Variants in SSH1 observed in about 807,000 individuals in gnomAD.
SSH1 encodes the protein protein phosphatase Slingshot homolog 1.
A neutral mutation model predicts 79.7 loss-of-function variants in SSH1; 43 were observed. That is an observed-to-expected ratio of 0.54 (90% CI 0.42 to 0.70). The LOEUF is 0.70. SSH1 is among the 30% of genes least tolerant of loss of function. SSH1 has a pLI of 0.00. For missense variants in SSH1, 1,206 were observed against 1,358.8 expected (o/e 0.89, Z 1.77); for synonymous variants, 599 against 538.3 (o/e 1.11, Z -1.56).
intron 5 of SSH1, among the ~76,000 whole-genome samples, chr12:108,813,676 C>A (rs2037733881): frequency 7.0e-6 from 1 of 141,942 alleles, no homozygotes; most frequent in Non-Finnish European, 1.5e-5. Flanking sequence ...TTTCACCACT[C>A]CAGCCTGGGT....
At chr12:108,801,921 G>C (rs985332360) in intron 11 of SSH1, among the ~76,000 whole-genome samples, 2 of 152,160 alleles carry the variant, frequency 1.3e-5, no homozygotes, top group Non-Finnish European at 2.9e-5. Flanking sequence ...AAGTGGCCCA[G>C]GGATCAGGGT....
chr12:108,847,114 G>T (rs1471959505), intron 2 of SSH1, among the ~76,000 whole-genome samples: 1 of 152,094 alleles, frequency 6.6e-6, no homozygotes, highest in Non-Finnish European at 1.5e-5. Flanking sequence ...GTGTAGGCTG[G>T]TCTCAAACTA....
chr12:108,839,333 TG>T (rs2038719729), intron 2 of SSH1, among the ~76,000 whole-genome samples: 1 of 152,228 alleles, frequency 6.6e-6, no homozygotes, highest in Admixed American at 6.5e-5. Context: ...AACAGGTCAG[TG>T]GCCTTGACTC....
chr12:108,800,103 A>G (rs967048617), intron 12 of SSH1, among the ~76,000 whole-genome samples: 23 of 152,226 alleles, frequency 1.5e-4, no homozygotes, highest in African/African-American at 5.5e-4. Context: ...GGTTAAGGAC[A>G]CATCATGTGG....
chr12:108,828,758 G>A (rs1019238883), intron 2 of SSH1, among the ~76,000 whole-genome samples: 17 of 152,152 alleles, frequency 1.1e-4, no homozygotes, highest in African/African-American at 4.1e-4. Context: ...ACTGCATAGA[G>A]GCTAAGGAGT....
intron 2 of SSH1, among the ~76,000 whole-genome samples, chr12:108,826,824 T>C (rs1286228216): frequency 6.6e-6 from 1 of 152,188 alleles, no homozygotes; most frequent in Non-Finnish European, 1.5e-5. Flanking sequence ...CTTTACCAGG[T>C]GTCTGGGGCC....
chr12:108,792,049 C>A, intron 14 of SSH1: 1 of 1,442,238 alleles, frequency 6.9e-7, no homozygotes. Context: ...TTATTCCCAA[C>A]AGATTCTCAA....
chr12:108,852,213 T>C (rs2039054129), intron 2 of SSH1, among the ~76,000 whole-genome samples: 1 of 151,858 alleles, frequency 6.6e-6, no homozygotes, highest in Non-Finnish European at 1.5e-5. Context: ...GTATAATTTC[T>C]AAAGCACTAA....
At chr12:108,842,264 A>G (rs1013421595) in intron 2 of SSH1, among the ~76,000 whole-genome samples, 1 of 152,206 alleles carries the variant, frequency 6.6e-6, no homozygotes, top group African/African-American at 2.4e-5. Context: ...AATGACCCCA[A>G]TGTTTAAATA....
intron 2 of SSH1, among the ~76,000 whole-genome samples, chr12:108,833,224 T>C (rs1050422560): frequency 6.6e-6 from 1 of 151,618 alleles, no homozygotes; most frequent in Admixed American, 6.6e-5. Context: ...AATTTTAAGA[T>C]AGTTCCCTGA....
In SSH1 at chr12:108,792,967, C is replaced by G. The variant is rs747033223; in HGVS notation, c.1350-138G>C. ...CGATCCATGGCTCATTCAGGTAAAG[C>G]CTCTCTCTGTTCATTTGTTCCCAAG... On this transcript the variant is annotated intron_variant, in intron 13 of 14. Coordinates refer to ENST00000326495, the MANE Select transcript of SSH1 (RefSeq NM_018984.4). 10 of 1,007,804 alleles carry G rather than the reference C, an allele frequency of 9.9e-6. No homozygotes were observed. In the Admixed American group the frequency reaches 2.0e-4, roughly 20 times the overall value. The allele number at this position is 1,007,804 out of a possible 1,614,324, so 62.4% of individuals were successfully genotyped here.
intron 2 of SSH1, among the ~76,000 whole-genome samples, chr12:108,832,181 C>T (rs1413428713): frequency 6.6e-6 from 1 of 151,782 alleles, no homozygotes; most frequent in Non-Finnish European, 1.5e-5. Context: ...CCTGCAGTCC[C>T]GGGTATTTGG....
intron 3 of SSH1, among the ~76,000 whole-genome samples, chr12:108,818,605 A>G (rs2037994621): frequency 6.6e-6 from 1 of 152,262 alleles, no homozygotes; most frequent in Non-Finnish European, 1.5e-5. Flanking sequence ...TGTGAAAAAT[A>G]CAGGCAAGCC....
intron 2 of SSH1, among the ~76,000 whole-genome samples, 193 bp downstream of exon 2, chr12:108,852,445 T>C (rs1243629883): frequency 1.3e-5 from 2 of 151,938 alleles, no homozygotes; most frequent in African/African-American, 4.8e-5. Flanking sequence ...TTGGCCAGGA[T>C]GGTCTCGATC....
chr12:108,780,345 G>A lies in SSH1; in HGVS notation c.*7643C>T, dbSNP rs1467017231. ...CCAACCGCGAGACAGTTACTCTGAG[G>A]AGGAAATCAGGGCAAAAGCAGCCCA... is the stretch of plus-strand genomic sequence containing the variant. On this transcript the variant is annotated 3_prime_UTR_variant, in exon 15 of 15. Transcript: ENST00000326495. The A allele has an allele frequency of 6.6e-6, 1 of 152,234 alleles. No homozygotes were observed. Among genetic ancestry groups the A allele is most frequent in the Admixed American group, 6.5e-5 (1 of 15,280 alleles). The allele number at this position is 152,234 out of a possible 1,614,324, so 9.4% of individuals were successfully genotyped here.
chr12:108,799,361 C>T (rs557501936), intron 12 of SSH1, among the ~76,000 whole-genome samples, 161 bp from the exon 13 acceptor site: 18 of 152,324 alleles, frequency 1.2e-4, no homozygotes, highest in Middle Eastern at 3.4e-3. Flanking sequence ...TTAATGTTTA[C>T]GGAGCAGATG....
Position 108,807,689 on chromosome 12 carries a change from G to A in SSH1, c.675C>T (p.Asn225=), listed in dbSNP as rs376765734. 3.7e-5 allele frequency: 59 copies of A among 1,613,312 alleles called. 1 individual carries two copies. The Middle Eastern group carries it at 5.0e-4, about 14-fold the overall frequency. Residue 225 remains asparagine (N), a synonymous_variant, in exon 8 of 15, where the codon AAC becomes AAT. Coordinates refer to ENST00000326495, the MANE Select transcript of SSH1 (RefSeq NM_018984.4). This position sits in a 1 kb window ranked among gnomAD's most constrained non-coding sequence, Gnocchi z 5.2. ...GCGTAGACTCCAGGTCCTGCATGGC[G>A]TTCCACTCGTTGATGCAGCTCTGCT... ...SSEQSCINEW[N]AMQDLESTRP... is the part of the protein sequence containing the mutation.
At position 108,815,834 on chromosome 12, in the gene SSH1, C is replaced by T. The variant is rs116616590; in HGVS notation, c.401+1204G>A. Among the ~76,000 whole-genome samples, 1,069 of 152,252 alleles carry T rather than the reference C, an allele frequency of 7.0e-3. 15 individuals carry two copies. Among genetic ancestry groups the T allele is most frequent in the African/African-American group, 0.024 (1,012 of 41,516 alleles). ...TCATAGTGCTATTTATTATGTACTG[C>T]GGGGGTGGGGGCCATGTCATAAAAG... On this transcript the variant is annotated intron_variant, in intron 5 of 14. Coordinates refer to ENST00000326495, the MANE Select transcript of SSH1 (RefSeq NM_018984.4).
At chr12:108,848,388 AAG>A (rs923058979) in intron 2 of SSH1, among the ~76,000 whole-genome samples, 2 of 152,132 alleles carry the variant, frequency 1.3e-5, no homozygotes, top group African/African-American at 4.8e-5. Context: ...GAGGGGAGAA[AAG>A]AGAGAGAAAT....
Sources: gnomAD v4.1 joint callset for allele counts (sites outside exome capture counted in the v4.1 genomes callset) on GRCh38, gnomAD v4.1.1 for gene constraint, Gnocchi (gnomAD v3.1) non-coding constraint, MANE v1.5 for transcripts, NCBI Gene and HGNC (gene_info 2026-07-23, HGNC 2026-07-21) for gene names.